The following ZC3H7A variants were observed in gnomAD, a reference collection of about 807,000 sequenced individuals.
The protein encoded by ZC3H7A is zinc finger CCCH-type containing 7A.
A neutral mutation model predicts 125.5 loss-of-function variants in ZC3H7A; 44 were observed. The ratio of observed to expected loss-of-function variants is 0.35; its 90% CI spans 0.28 to 0.45. ZC3H7A has a LOEUF of 0.45. ZC3H7A is among the 20% of genes least tolerant of loss of function. The probability of loss-of-function intolerance (pLI) is 1.00; values close to 1 mark genes in which losing one functional copy is unlikely to be tolerated. For synonymous variants in ZC3H7A, 399 were observed against 391.2 expected, an observed-to-expected ratio of 1.02 and a Z score of -0.23; for missense variants, 977 against 1,170.7, an observed-to-expected ratio of 0.83 and a Z score of 2.41.
chr16:11,795,279 G>T (rs774370065), intron 1 of ZC3H7A, among the ~76,000 whole-genome samples: 2 of 152,178 alleles, frequency 1.3e-5, no homozygotes, highest in Non-Finnish European at 2.9e-5. Flanking sequence ...AGGGAAGGAG[G>T]CCACATGCCA....
chr16:11,791,779 G>C (rs1377881792), intron 1 of ZC3H7A, among the ~76,000 whole-genome samples: 1 of 152,212 alleles, frequency 6.6e-6, no homozygotes, highest in African/African-American at 2.4e-5. Context: ...AATCAATATA[G>C]TGGGAACTGC....
chr16:11,769,416 A>G (rs1186390458), intron 10 of ZC3H7A, among the ~76,000 whole-genome samples: 1 of 152,124 alleles, frequency 6.6e-6, no homozygotes, highest in Non-Finnish European at 1.5e-5. Context: ...TTTCCTTTTG[A>G]AAATATGGGG....
At chr16:11,781,606 C>A in intron 2 of ZC3H7A, 142 bp from the exon 3 acceptor site, 1 of 608,950 alleles carries the variant, frequency 1.6e-6, no homozygotes, top group East Asian at 2.9e-5. Context: ...CCTTTACTAC[C>A]ATTATTCACA....
chr16:11,767,358 G>A (rs983312136), intron 13 of ZC3H7A, 59 bp downstream of exon 13: 97 of 1,265,466 alleles, frequency 7.7e-5, no homozygotes, highest in Non-Finnish European at 9.9e-5. Context: ...ATTAAGCTAA[G>A]CATGACTGTA....
intron 9 of ZC3H7A, among the ~76,000 whole-genome samples, chr16:11,771,272 C>T (rs2052976433): frequency 6.6e-6 from 1 of 151,866 alleles, no homozygotes; most frequent in Admixed American, 6.6e-5. Context: ...CCTGTAGTCC[C>T]AGCTACTCAG....
intron 1 of ZC3H7A, among the ~76,000 whole-genome samples, chr16:11,790,412 C>G (rs1259715055): frequency 6.6e-6 from 1 of 152,156 alleles, no homozygotes. Context: ...CTGAGCTTTA[C>G]TTATTTATGG....
At chr16:11,775,329 C>T (rs1290490837) in intron 7 of ZC3H7A, among the ~76,000 whole-genome samples, 1 of 151,386 alleles carries the variant, frequency 6.6e-6, no homozygotes, top group Middle Eastern at 3.2e-3. Flanking sequence ...TGAGATAGCG[C>T]CACTGCACTC....
intron 19 of ZC3H7A, 157 bp from the exon 20 acceptor site, chr16:11,758,696 G>A: frequency 1.7e-6 from 1 of 598,018 alleles, no homozygotes; most frequent in Non-Finnish European, 2.9e-6. Context: ...TTAACTATAT[G>A]CTCTAAATAT....
chr16:11,797,044 A>AGGCGGCGGCGCGCGCGGGGGGG (rs1567401215), intron 1 of ZC3H7A, 80 bp downstream of exon 1: 3 of 141,460 alleles, frequency 2.1e-5, no homozygotes, highest in African/African-American at 7.6e-5. Context: ...CGCGAGCACG[A>AGGCGGCGGCGCGCGCGGGGGGG]GGCGGCGGCG....
At position 11,769,784 on chromosome 16, in the gene ZC3H7A, C is replaced by CTT. The variant is rs200241879; in HGVS notation, c.1109-691_1109-690dup. On this transcript the variant is annotated intron_variant, in intron 10 of 22. Transcript: ENST00000355758. ...AATCAGTAAAGTTTTCAATTGCTTT[C>CTT]TTTTTTTTTTTTTTTTTTTTTTTGA... 9.8e-3 allele frequency among the ~76,000 whole-genome samples: 600 copies of CTT among 61,524 alleles called. 91 individuals carry two copies. The highest frequency in any genetic ancestry group is 0.049 in the African/African-American group (498 of 10,216). The allele number at this position is 61,524 out of a possible 152,430, so 40.4% of individuals were successfully genotyped here.
chr16:11,792,916 A>G, intron 1 of ZC3H7A, among the ~76,000 whole-genome samples: 1 of 152,090 alleles, frequency 6.6e-6, no homozygotes, highest in East Asian at 1.9e-4. Context: ...CATTCAGGAG[A>G]AATGAAAGAA....
intron 1 of ZC3H7A, 97 bp downstream of exon 1, chr16:11,797,027 G>T (rs1356701060): frequency 2.0e-5 from 3 of 146,930 alleles, no homozygotes; most frequent in African/African-American, 7.4e-5. Flanking sequence ...GTCCGTTAAC[G>T]GCCGCGCGCG....
chr16:11,756,154 T>A (rs142809665), intron 21 of ZC3H7A, 83 bp downstream of exon 21: 10 of 1,534,894 alleles, frequency 6.5e-6, no homozygotes, highest in Non-Finnish European at 6.1e-6. Context: ...ACAACGAGAC[T>A]CCATCTCAAA....
chr16:11,757,671 G>T (rs2052675027), intron 20 of ZC3H7A, among the ~76,000 whole-genome samples: 1 of 152,064 alleles, frequency 6.6e-6, no homozygotes, highest in African/African-American at 2.4e-5. Flanking sequence ...AGTGGTGGCA[G>T]GAGTCATTGC....
chr16:11,792,723 G>A (rs1042513855), intron 1 of ZC3H7A, among the ~76,000 whole-genome samples: 10 of 152,212 alleles, frequency 6.6e-5, no homozygotes, highest in African/African-American at 2.2e-4. Context: ...CACCTAGGAA[G>A]TAGCAGAGCT....
rs150084471 is a variant in ZC3H7A, at chr16:11,767,511, G to A, written c.1428C>T (p.Ile476=). 78 of 1,610,374 alleles carry A rather than the reference G, an allele frequency of 4.8e-5. No individual in the cohort carries two copies. The highest frequency in any genetic ancestry group is 2.0e-4 in the Admixed American group (12 of 59,638). Residue 476 remains isoleucine (I), a synonymous_variant, in exon 13 of 23, where the codon ATC becomes ATT. Coordinates refer to ENST00000355758, the MANE Select transcript of ZC3H7A (RefSeq NM_014153.4). ...IDHKCKKDIL[I]GRIKNVEDKS... is the part of the protein sequence containing the mutation. ...TATCTTCAACATTCTTTATCCTACCGATTAAAATATCTTTCTTACACTTAT... is the reference window on the plus strand; with the variant it reads ...TATCTTCAACATTCTTTATCCTACCAATTAAAATATCTTTCTTACACTTAT...
intron 1 of ZC3H7A, among the ~76,000 whole-genome samples, chr16:11,791,264 C>T (rs1233532210): frequency 1.3e-5 from 2 of 152,088 alleles, no homozygotes; most frequent in Admixed American, 6.6e-5. Context: ...CAGCTTCACA[C>T]ATGAGGCTCC....
chr16:11,795,252 G>C (rs1443563919), intron 1 of ZC3H7A, among the ~76,000 whole-genome samples: 2 of 152,326 alleles, frequency 1.3e-5, no homozygotes, highest in African/African-American at 4.8e-5. Flanking sequence ...AGAGGCAGTG[G>C]ATTCTTTGAG....
Position 11,765,734 on chromosome 16 carries a change from G to A in ZC3H7A, c.1523-49C>T, listed in dbSNP as rs752299846. The A allele has an allele frequency of 6.4e-6, 10 of 1,556,938 alleles. No homozygotes were observed. The highest frequency in any genetic ancestry group is 1.4e-5 in the African/African-American group (1 of 73,318). ...ACATTGAAAACATGGCAATTGGCCT[G>A]TACTCCCAGCTACTTGGGAGGCTGA... is the stretch of plus-strand genomic sequence containing the variant. On this transcript the variant is annotated intron_variant, in intron 13 of 22. Transcript: ENST00000355758. The surrounding 1 kb of genome is among the most constrained non-coding windows in gnomAD (Gnocchi z 4.8).
Sources: allele counts gnomAD v4.1 joint callset (sites outside exome capture counted in the v4.1 genomes callset), GRCh38; gene constraint gnomAD v4.1.1; non-coding constraint Gnocchi (gnomAD v3.1); transcripts MANE v1.5; gene names NCBI Gene and HGNC (gene_info 2026-07-23, HGNC 2026-07-21).